Variants in USP22 observed in about 807,000 individuals in gnomAD.
USP22 encodes ubiquitin specific peptidase 22, also known as ubiquitin carboxyl-terminal hydrolase 22.
A neutral mutation model predicts 68.1 loss-of-function variants in USP22; 22 were observed. The ratio of observed to expected loss-of-function variants is 0.32; its 90% CI spans 0.23 to 0.46. USP22 has a LOEUF of 0.46. Ranked by LOEUF, USP22 falls within the 20% of genes least tolerant of loss-of-function variation. USP22 has a pLI of 1.00. For missense variants in USP22, 433 were observed against 695.8 expected, an observed-to-expected ratio of 0.62 and a Z score of 4.25; for synonymous variants, 279 against 274.2, an observed-to-expected ratio of 1.02 and a Z score of -0.17.
intron 2 of USP22, among the ~76,000 whole-genome samples, chr17:21,022,381 A>T (rs1567589722): frequency 6.6e-6 from 1 of 152,194 alleles, no homozygotes; most frequent in Non-Finnish European, 1.5e-5. Context: ...AAAAAGTCAA[A>T]AAAATAAAAT....
intron 5 of USP22, among the ~76,000 whole-genome samples, chr17:21,017,379 A>G (rs1297117879): frequency 3.9e-5 from 6 of 152,228 alleles, no homozygotes; most frequent in Non-Finnish European, 5.9e-5. Flanking sequence ...TAGGTCACGG[A>G]GCCGGTGAGG....
At chr17:21,026,475 C>T (rs1972221014) in intron 2 of USP22, among the ~76,000 whole-genome samples, 1 of 151,966 alleles carries the variant, frequency 6.6e-6, no homozygotes, top group African/African-American at 2.4e-5. Flanking sequence ...AGGCACACAC[C>T]ACCACGCCCT....
At chr17:21,013,704 T>C (rs192417967) in intron 6 of USP22, among the ~76,000 whole-genome samples, 60 of 152,210 alleles carry the variant, frequency 3.9e-4, no homozygotes, top group Non-Finnish European at 2.9e-5. Context: ...GAGAGAAAAA[T>C]GCTTCCCAGA....
chr17:21,039,459 C>T (rs1453147260), intron 1 of USP22, among the ~76,000 whole-genome samples: 1 of 151,958 alleles, frequency 6.6e-6, no homozygotes, highest in Admixed American at 6.6e-5. Flanking sequence ...TGCCTGTAAT[C>T]CCAGCTACTT....
chr17:21,004,778 TGCGGGCAGCCAATAGTG>T lies in USP22; in HGVS notation c.1385+133_1385+149del. On this transcript the variant is annotated intron_variant, in intron 11 of 12. Transcript: ENST00000261497. ...GTGGAGCGGCCTTTCCTAGTGGAGC[TGCGGGCAGCCAATAGTG>T]GAGCTGCGGGCAGCCAAGCGGGAAG... The T allele has an allele frequency of 3.2e-4, 28 of 86,514 alleles. 3 individuals carry two copies. The highest frequency in any genetic ancestry group is 3.2e-3 in the Middle Eastern group (1 of 314). The allele number at this position is 86,514 out of a possible 1,614,324, so 5.4% of individuals were successfully genotyped here.
intron 2 of USP22, among the ~76,000 whole-genome samples, chr17:21,024,464 G>T (rs921326677): frequency 6.6e-6 from 1 of 152,148 alleles, no homozygotes; most frequent in Admixed American, 6.5e-5. Context: ...GGGTATCTCT[G>T]TAACAAATGC....
intron 1 of USP22, among the ~76,000 whole-genome samples, chr17:21,034,965 C>A (rs780399506): frequency 1.3e-5 from 2 of 152,158 alleles, no homozygotes; most frequent in Non-Finnish European, 2.9e-5. Context: ...AGACAACTAC[C>A]GGAGGTCTTG....
chr17:21,032,042 G>A (rs1972297024), intron 1 of USP22, among the ~76,000 whole-genome samples: 1 of 152,216 alleles, frequency 6.6e-6, no homozygotes, highest in South Asian at 2.1e-4. Flanking sequence ...CATGTACAAT[G>A]GCGGTCCCAG....
rs1913528499 is a variant in USP22 at position 21,000,555 on chromosome 17, G to GC, written c.*2475_*2476insG. 6.6e-6 allele frequency: 1 copy of GC among 152,380 alleles called. No individual in the cohort carries two copies. The highest frequency in any genetic ancestry group is 6.5e-5 in the Admixed American group (1 of 15,300). 9.4% of individuals were successfully genotyped at this position (152,380 alleles called of 1,614,324 possible). A position where few individuals can be genotyped will look rare whatever the true frequency, so the allele number is the denominator to read the frequency against. ...GCAGCCACCCCTGAATGCAAGTGGA[G>GC]ACAGGAAGGGGACTAGGGGTTGGCC... On this transcript the variant is annotated 3_prime_UTR_variant, in exon 13 of 13. Coordinates refer to ENST00000261497, the MANE Select transcript of USP22 (RefSeq NM_015276.2).
At chr17:21,036,995 C>T (rs115541676) in intron 1 of USP22, among the ~76,000 whole-genome samples, 2,604 of 152,218 alleles carry the variant, frequency 0.017, 61 homozygotes, top group African/African-American at 0.058. Flanking sequence ...CCCAGAACAT[C>T]GTGTAGTTCC....
chr17:21,041,258 T>C (rs1322747554), intron 1 of USP22, among the ~76,000 whole-genome samples: 1 of 152,192 alleles, frequency 6.6e-6, no homozygotes, highest in African/African-American at 2.4e-5. Flanking sequence ...TTATGTCTGA[T>C]TTTAGTTCAT....
chr17:21,040,122 C>G (rs1408668788), intron 1 of USP22, among the ~76,000 whole-genome samples: 1 of 152,190 alleles, frequency 6.6e-6, no homozygotes, highest in Non-Finnish European at 1.5e-5. Context: ...CTGCAGTGAT[C>G]ACTGACCAGA....
rs77830402 is a variant in USP22, at chr17:21,021,694, T to G, written c.305-468A>C. On this transcript the variant is annotated intron_variant, in intron 2 of 12. Transcript: ENST00000261497. ...TTGGCGGCATTTGCTACTCTTACCTTAAGTACAGGGGGAAAATAGTTTCTC... is the reference window on the plus strand; with the variant it reads ...TTGGCGGCATTTGCTACTCTTACCTGAAGTACAGGGGGAAAATAGTTTCTC... 9.8e-3 allele frequency among the ~76,000 whole-genome samples: 1,495 copies of G among 152,284 alleles called. 21 individuals carry two copies. The highest frequency in any genetic ancestry group is 0.034 in the African/African-American group (1,406 of 41,560).
chr17:21,040,151 G>C (rs1330568536), intron 1 of USP22, among the ~76,000 whole-genome samples: 1 of 151,840 alleles, frequency 6.6e-6, no homozygotes, highest in Non-Finnish European at 1.5e-5. Flanking sequence ...CTCCATCCTG[G>C]GTAACAGAGC....
intron 4 of USP22, among the ~76,000 whole-genome samples, chr17:21,018,764 C>A (rs1012910400): frequency 6.6e-6 from 1 of 152,132 alleles, no homozygotes; most frequent in African/African-American, 2.4e-5. Flanking sequence ...CGAACACTTA[C>A]ACTCACACAC....
intron 1 of USP22, among the ~76,000 whole-genome samples, chr17:21,032,704 C>T (rs960458228): frequency 2.0e-5 from 3 of 151,932 alleles, no homozygotes; most frequent in African/African-American, 4.8e-5. Context: ...TTTGGGAGGC[C>T]GAGGTGGGAG....
intron 2 of USP22, among the ~76,000 whole-genome samples, chr17:21,025,702 A>T (rs1285434022): frequency 6.6e-6 from 1 of 152,228 alleles, no homozygotes; most frequent in Non-Finnish European, 1.5e-5. Flanking sequence ...TACAACTCAG[A>T]TGAATCACAA....
At chr17:21,025,174 GAAC>G (rs1379210535) in intron 2 of USP22, among the ~76,000 whole-genome samples, 4 of 151,866 alleles carry the variant, frequency 2.6e-5, no homozygotes, top group South Asian at 4.2e-4. Flanking sequence ...TATATATAAA[GAAC>G]AACAACAAAA....
rs1051854429 is a variant in USP22 at position 21,002,772 on chromosome 17, C to T, written c.*259G>A. The T allele has an allele frequency of 2.7e-5, 12 of 447,636 alleles. No homozygotes were observed. The highest frequency in any genetic ancestry group is 8.0e-5 in the African/African-American group (4 of 49,806). The allele number at this position is 447,636 out of a possible 1,614,324, so 27.7% of individuals were successfully genotyped here. ...CATGACACAAGAGATGTTCTGGTGA[C>T]GGGTGTACGCTGCTCCTCCCACCCA... On this transcript the variant is annotated 3_prime_UTR_variant, in exon 13 of 13. Transcript: ENST00000261497.
Sources: allele counts gnomAD v4.1 joint callset (sites outside exome capture counted in the v4.1 genomes callset), GRCh38; gene constraint gnomAD v4.1.1; transcripts MANE v1.5; gene names NCBI Gene and HGNC (gene_info 2026-07-23, HGNC 2026-07-21).